Variants in PTPRJ observed in about 807,000 individuals in gnomAD.
PTPRJ encodes the protein protein tyrosine phosphatase receptor type J.
In PTPRJ, 129 loss-of-function variants were observed where a neutral mutation model predicts 141.3. That is an observed-to-expected ratio of 0.91 (90% CI 0.79 to 1.06). PTPRJ has a LOEUF of 1.06. PTPRJ is among the 50% of genes least tolerant of loss of function. The pLI is 0.00. For synonymous variants in PTPRJ, 610 were observed against 640.5 expected, an observed-to-expected ratio of 0.95 and a Z score of 0.72; for missense variants, 1,601 against 1,679.7, an observed-to-expected ratio of 0.95 and a Z score of 0.82.
chr11:48,030,186 G>A (rs1219898705), intron 1 of PTPRJ, among the ~76,000 whole-genome samples: 1 of 152,146 alleles, frequency 6.6e-6, no homozygotes, highest in Non-Finnish European at 1.5e-5. Context: ...GGTCATGTTG[G>A]TATTTTATTT....
In PTPRJ at chr11:48,168,581, T is replaced by TACAC. The variant is rs1446340368; in HGVS notation, c.*1220_*1223dup. 2.6e-5 allele frequency: 3 copies of TACAC among 117,576 alleles called. No individual in the cohort carries two copies. Among genetic ancestry groups the TACAC allele is most frequent in the African/African-American group, 6.4e-5 (2 of 31,362 alleles). 7.3% of individuals were successfully genotyped at this position (117,576 alleles called of 1,614,324 possible). ...ATATATATATATATATATATATATA[T>TACAC]ACACTAAGCTCTCAAAAACAGTCAT... On this transcript the variant is annotated 3_prime_UTR_variant, in exon 25 of 25. Coordinates refer to ENST00000418331, the MANE Select transcript of PTPRJ (RefSeq NM_002843.4).
chr11:48,092,294 C>CAAAAAAAAAAAAAAAAAAA (rs3971621), intron 1 of PTPRJ, among the ~76,000 whole-genome samples: 23 of 46,926 alleles, frequency 4.9e-4, no homozygotes, highest in Non-Finnish European at 7.0e-4. Context: ...GATTTCATCT[C>CAAAAAAAAAAAAAAAAAAA]AAAAAAAAAA....
intron 1 of PTPRJ, among the ~76,000 whole-genome samples, chr11:48,098,016 A>C (rs746482301): frequency 6.6e-6 from 1 of 152,096 alleles, no homozygotes; most frequent in Non-Finnish European, 1.5e-5. Context: ...AAGTCACTTT[A>C]CCTTTCTGGG....
intron 1 of PTPRJ, among the ~76,000 whole-genome samples, chr11:47,989,628 ATATC>A (rs991352211): frequency 7.9e-5 from 12 of 151,764 alleles, no homozygotes; most frequent in Non-Finnish European, 1.0e-4. Flanking sequence ...AAAAAAATCT[ATATC>A]TATAGATAGA....
At position 48,121,152 on chromosome 11, in the gene PTPRJ, C is replaced by T. The variant is rs1565312726; in HGVS notation, c.502C>T (p.Gln168Ter). 6.2e-7 allele frequency: 1 copy of T among 1,614,146 alleles called. No homozygotes were observed. The highest frequency in any genetic ancestry group is 8.5e-7 in the Non-Finnish European group (1 of 1,180,010). The change falls in exon 4 of 25, where the codon CAA becomes TAA. Residue 168 changes from glutamine (Q) to a stop codon, truncating the protein, a stop_gained. Transcript: ENST00000418331. LOFTEE classifies it high-confidence loss of function. ...ENEKTITVVH[Q>*]PWCNITGLRP... The stretch of plus-strand genomic sequence containing the variant: ...TGAGAAGACAATTACTGTTGTGCAT[C>T]AACCATGGTGTAACATCACAGGCTT...
rs544983491 is a variant in PTPRJ at position 47,981,119 on chromosome 11, TCCGGATCC to T, written c.96+125_96+132del. 416 of 1,072,834 alleles carry T rather than the reference TCCGGATCC, an allele frequency of 3.9e-4. 1 individual carries two copies. The African/African-American group carries it at 6.2e-3, about 16-fold the overall frequency. The allele number at this position is 1,072,834 out of a possible 1,614,324, so 66.5% of individuals were successfully genotyped here. On this transcript the variant is annotated intron_variant, in intron 1 of 24. Coordinates refer to ENST00000418331, the MANE Select transcript of PTPRJ (RefSeq NM_002843.4). ...GGGGTTCCGGGGAAGGGGGCGGGGG[TCCGGATCC>T]CCGGATCCCCGGAAGGCGACTTGCG...
intron 1 of PTPRJ, among the ~76,000 whole-genome samples, chr11:48,091,557 T>C (rs141730810): frequency 8.1e-4 from 123 of 152,322 alleles, no homozygotes; most frequent in African/African-American, 2.7e-3. Context: ...AATTACTGTC[T>C]GCTTAAAGGC....
chr11:48,021,416 TAAATA>T (rs747260239), intron 1 of PTPRJ, among the ~76,000 whole-genome samples: 22,717 of 103,312 alleles, frequency 0.22, 2,212 homozygotes, highest in African/African-American at 0.41. Flanking sequence ...AATAAATAAA[TAAATA>T]AAATAAAATA....
Position 47,980,577 on chromosome 11 carries a change from C to T in PTPRJ, c.-336C>T. 1 of 982,986 alleles carries T rather than the reference C, an allele frequency of 1.0e-6. No individual in the cohort carries two copies. Among genetic ancestry groups the T allele is most frequent in the Non-Finnish European group, 1.2e-6 (1 of 829,050 alleles). The allele number at this position is 982,986 out of a possible 1,614,324, so 60.9% of individuals were successfully genotyped here. ...CTGCAGCAGCCCCAGCCGCATGACG[C>T]GCGGAGGAGGCAGCGGGAGCAGCCG... On this transcript the variant is annotated 5_prime_UTR_variant, in exon 1 of 25. Transcript: ENST00000418331.
intron 8 of PTPRJ, chr11:48,132,605 A>G (rs1360109724): frequency 1.1e-6 from 1 of 943,664 alleles, no homozygotes; most frequent in African/African-American, 1.8e-5. Flanking sequence ...TGATGAGTTA[A>G]TGGGTGCAGC....
chr11:48,161,782 T>G (rs1484896528), intron 22 of PTPRJ, among the ~76,000 whole-genome samples: 1 of 151,918 alleles, frequency 6.6e-6, no homozygotes, highest in East Asian at 1.9e-4. Context: ...CCAGCTAATT[T>G]TTTTTGTATT....
chr11:48,056,476 G>A (rs1565280363), intron 1 of PTPRJ, among the ~76,000 whole-genome samples: 1 of 152,158 alleles, frequency 6.6e-6, no homozygotes, highest in East Asian at 1.9e-4. Context: ...TTTAGTAATG[G>A]CAGCTATTAT....
chr11:48,133,111 C>A (rs1027650832), intron 8 of PTPRJ, among the ~76,000 whole-genome samples: 4 of 152,132 alleles, frequency 2.6e-5, no homozygotes, highest in African/African-American at 9.7e-5. Context: ...ACATTTTTAA[C>A]ACAACTTCAT....
chr11:48,124,541 G>A (rs994252600), intron 5 of PTPRJ, among the ~76,000 whole-genome samples: 8 of 152,136 alleles, frequency 5.3e-5, no homozygotes, highest in Admixed American at 1.3e-4. Context: ...AGCTGCTCCT[G>A]TTTCACACCC....
chr11:48,118,985 A>G (rs919115014), intron 3 of PTPRJ, among the ~76,000 whole-genome samples: 2 of 130,188 alleles, frequency 1.5e-5, no homozygotes, highest in African/African-American at 2.9e-5. Context: ...ACGCCACTAC[A>G]CTCCAGTCTG....
intron 1 of PTPRJ, among the ~76,000 whole-genome samples, chr11:48,044,394 G>C (rs1024255883): frequency 1.3e-5 from 2 of 152,224 alleles, no homozygotes; most frequent in African/African-American, 4.8e-5. Context: ...GAGGGCCTAA[G>C]AGGAATTGGA....
chr11:48,082,802 G>T (rs1277342610), intron 1 of PTPRJ, among the ~76,000 whole-genome samples: 1 of 152,198 alleles, frequency 6.6e-6, no homozygotes, highest in African/African-American at 2.4e-5. Flanking sequence ...CATAATAGGG[G>T]TGACACTTGT....
rs1237435695 is a variant in PTPRJ, at chr11:48,167,505, G to A, written c.*143G>A. The A allele has an allele frequency of 3.0e-6, 3 of 1,002,066 alleles. No individual in the cohort carries two copies. Among genetic ancestry groups the A allele is most frequent in the African/African-American group, 3.3e-5 (2 of 60,622 alleles). 62.1% of individuals were successfully genotyped at this position (1,002,066 alleles called of 1,614,324 possible). On this transcript the variant is annotated 3_prime_UTR_variant, in exon 25 of 25. Transcript: ENST00000418331. Reference sequence around the variant, plus strand: ...TGAGAACTAATTTTGAGGGCATGAAGCTGCATATGATAGATGACAAATTGG... The same window carrying A: ...TGAGAACTAATTTTGAGGGCATGAAACTGCATATGATAGATGACAAATTGG...
chr11:48,050,024 G>C (rs1389811386), intron 1 of PTPRJ, among the ~76,000 whole-genome samples: 2 of 152,180 alleles, frequency 1.3e-5, no homozygotes, highest in Non-Finnish European at 2.9e-5. Context: ...CCTCTTTTGA[G>C]TCTGCTGACA....
Sources: allele counts gnomAD v4.1 joint callset (sites outside exome capture counted in the v4.1 genomes callset), GRCh38; gene constraint gnomAD v4.1.1; transcripts MANE v1.5; gene names NCBI Gene and HGNC (gene_info 2026-07-23, HGNC 2026-07-21).